Variants in PTPRD observed in about 807,000 individuals in gnomAD.
PTPRD encodes receptor-type tyrosine-protein phosphatase delta.
A neutral mutation model predicts 214.5 loss-of-function variants in PTPRD; 34 were observed. The observed-to-expected ratio is 0.16, with a 90% CI of 0.12 to 0.21. PTPRD has a LOEUF of 0.21. PTPRD is among the 10% of genes least tolerant of loss of function. The pLI is 1.00. For synonymous variants in PTPRD, 1,128 were observed against 845.7 expected (o/e 1.33, Z -5.79); for missense variants, 2,545 against 2,398.7 (o/e 1.06, Z -1.27).
At chr9:9,833,103 C>T (rs546547645) in intron 5 of PTPRD, among the ~76,000 whole-genome samples, 34 of 150,904 alleles carry the variant, frequency 2.3e-4, no homozygotes, top group Admixed American at 4.6e-4. Flanking sequence ...AGGGGCAAGG[C>T]CAGGTAATAG....
At position 9,982,430 on chromosome 9, in the gene PTPRD, C is replaced by A. The variant is rs10978146; in HGVS notation, c.-471-43820G>T. The stretch of plus-strand genomic sequence containing the variant: ...AGTCATCAAAAATCTCTTATATATT[C>A]AAATGTGGGTACATAGATACATATA... On this transcript the variant is annotated intron_variant, in intron 4 of 45. Coordinates refer to ENST00000381196, the MANE Select transcript of PTPRD (RefSeq NM_002839.4). 8.1e-4 allele frequency among the ~76,000 whole-genome samples: 121 copies of A among 149,668 alleles called. 2 individuals carry two copies. The highest frequency in any genetic ancestry group is 1.3e-3 in the Non-Finnish European group (90 of 67,708).
chr9:8,551,356 T>A (rs2082056732), intron 14 of PTPRD, among the ~76,000 whole-genome samples: 1 of 152,256 alleles, frequency 6.6e-6, no homozygotes, highest in Non-Finnish European at 1.5e-5. Context: ...TAAACCCATT[T>A]AATCTCATCC....
At chr9:10,560,651 A>G (rs1233301542) in intron 2 of PTPRD, among the ~76,000 whole-genome samples, 37 of 152,216 alleles carry the variant, frequency 2.4e-4, no homozygotes. Context: ...ATCTACACAC[A>G]TGCAAAACTC....
chr9:9,879,034 C>T (rs769316131), intron 5 of PTPRD, among the ~76,000 whole-genome samples: 1 of 152,106 alleles, frequency 6.6e-6, no homozygotes, highest in Non-Finnish European at 1.5e-5. Flanking sequence ...TATCAACCCT[C>T]AAAATTTTTC....
At chr9:8,696,101 C>G (rs2097905684) in intron 12 of PTPRD, among the ~76,000 whole-genome samples, 1 of 152,202 alleles carries the variant, frequency 6.6e-6, no homozygotes, top group Non-Finnish European at 1.5e-5. Context: ...GCAGAGACAT[C>G]TTCAGAGGCA....
chr9:9,113,162 G>A (rs1030754999), intron 10 of PTPRD, among the ~76,000 whole-genome samples: 1 of 151,674 alleles, frequency 6.6e-6, no homozygotes, highest in Non-Finnish European at 1.5e-5. Context: ...ATTTTTTAGA[G>A]ATGGGGTCTC....
chr9:9,750,528 T>C (rs959010717), intron 6 of PTPRD, among the ~76,000 whole-genome samples: 6 of 152,014 alleles, frequency 3.9e-5, no homozygotes, highest in Non-Finnish European at 8.8e-5. Context: ...CCATAACCAA[T>C]CTCAGTAAGA....
intron 11 of PTPRD, among the ~76,000 whole-genome samples, chr9:8,845,298 G>A (rs1200077865): frequency 6.6e-6 from 1 of 152,134 alleles, no homozygotes; most frequent in Admixed American, 6.5e-5. Flanking sequence ...TCCTTTGATG[G>A]CAAAGCTTTC....
At chr9:9,880,598 AGAG>A in intron 5 of PTPRD, among the ~76,000 whole-genome samples, 1 of 152,116 alleles carries the variant, frequency 6.6e-6, no homozygotes. Context: ...TCAATGCACT[AGAG>A]GAGAATTTAA....
At chr9:10,040,704 G>C (rs1308956105) in intron 3 of PTPRD, among the ~76,000 whole-genome samples, 1 of 152,010 alleles carries the variant, frequency 6.6e-6, no homozygotes, top group Non-Finnish European at 1.5e-5. Context: ...AGCAAGAAAA[G>C]ATTCTTTTAA....
At chr9:8,432,318 A>G (rs1045157487) in intron 35 of PTPRD, among the ~76,000 whole-genome samples, 3 of 152,238 alleles carry the variant, frequency 2.0e-5, no homozygotes, top group African/African-American at 7.2e-5. Context: ...ATGGGGTTAC[A>G]CTAATTTATC....
intron 8 of PTPRD, among the ~76,000 whole-genome samples, chr9:9,494,729 G>A (rs6477398): frequency 0.69 from 104,798 of 152,102 alleles, 37,181 homozygotes; most frequent in African/African-American, 0.86. Flanking sequence ...TTAAAATGTC[G>A]ATATGACCCA....
intron 11 of PTPRD, among the ~76,000 whole-genome samples, chr9:8,776,564 T>G (rs936613420): frequency 4.6e-5 from 7 of 152,002 alleles, no homozygotes; most frequent in Admixed American, 6.6e-5. Flanking sequence ...AGTGCTGTGA[T>G]TACAGGAATA....
intron 2 of PTPRD, among the ~76,000 whole-genome samples, chr9:10,354,285 C>T (rs2097232525): frequency 6.6e-6 from 1 of 152,142 alleles, no homozygotes; most frequent in African/African-American, 2.4e-5. Context: ...ACATTTGTTG[C>T]TATACATCTT....
chr9:9,857,825 T>C (rs2061846374), intron 5 of PTPRD, among the ~76,000 whole-genome samples: 1 of 152,174 alleles, frequency 6.6e-6, no homozygotes, highest in South Asian at 2.1e-4. Context: ...ACATTTAGTA[T>C]TTGTCTTCTG....
At chr9:10,484,067 G>A (rs2099117155) in intron 2 of PTPRD, among the ~76,000 whole-genome samples, 1 of 152,062 alleles carries the variant, frequency 6.6e-6, no homozygotes, top group African/African-American at 2.4e-5. Context: ...CGGTATGTGT[G>A]TAAACATACA....
At chr9:8,522,987 G>A (rs991220782) in intron 19 of PTPRD, among the ~76,000 whole-genome samples, 1 of 152,078 alleles carries the variant, frequency 6.6e-6, no homozygotes, top group Non-Finnish European at 1.5e-5. Flanking sequence ...TGGCCTCATG[G>A]GTGAATGACA....
chr9:8,823,663 GGGAAAGGGAAAA>G (rs1250936984), intron 11 of PTPRD, among the ~76,000 whole-genome samples: 1 of 115,388 alleles, frequency 8.7e-6, no homozygotes, highest in African/African-American at 3.9e-5. Flanking sequence ...AAAAAGGGAA[GGGAAAGGGAAAA>G]GGAAAGGGAA....
At chr9:9,244,130 T>TA (rs1168773836) in intron 9 of PTPRD, among the ~76,000 whole-genome samples, 1 of 152,038 alleles carries the variant, frequency 6.6e-6, no homozygotes, top group African/African-American at 2.4e-5. Context: ...CTCTACAAAA[T>TA]AAAAGAGGAT....
Sources: allele counts gnomAD v4.1 joint callset (sites outside exome capture counted in the v4.1 genomes callset), GRCh38; gene constraint gnomAD v4.1.1; transcripts MANE v1.5; gene names NCBI Gene and HGNC (gene_info 2026-07-23, HGNC 2026-07-21).